KIF13A: variants seen among roughly 807,000 people sequenced by gnomAD.
The protein encoded by KIF13A is kinesin family member 13A.
KIF13A carries 79 observed loss-of-function variants against 212.2 expected under a neutral mutation model. That is an observed-to-expected ratio of 0.37 (90% CI 0.31 to 0.45). The LOEUF is 0.45. KIF13A is among the 20% of genes least tolerant of loss of function. KIF13A has a pLI of 1.00. For missense variants in KIF13A, 1,901 were observed against 2,209.0 expected (o/e 0.86, Z 2.79); for synonymous variants, 789 against 808.6 (o/e 0.98, Z 0.41).
Position 17,825,348 on chromosome 6 carries a change from A to G in KIF13A, c.1786+420T>C, listed in dbSNP as rs1472720293. ...TAAAATTTCCAATTGAGTTTATACT[A>G]AAATGCTGTGACTTTTATCTTTCCA... On this transcript the variant is annotated intron_variant, in intron 16 of 38. Transcript: ENST00000259711. The surrounding 1 kb of genome is among the most constrained non-coding windows in gnomAD (Gnocchi z 4.5). 1.3e-5 allele frequency among the ~76,000 whole-genome samples: 2 copies of G among 152,238 alleles called. No individual in the cohort carries two copies. Among genetic ancestry groups the G allele is most frequent in the Non-Finnish European group, 2.9e-5 (2 of 68,034 alleles).
chr6:17,849,367 G>GCCA lies in KIF13A; in HGVS notation c.830+7_830+9dup. 1 of 1,595,888 alleles carries GCCA rather than the reference G, an allele frequency of 6.3e-7. No individual in the cohort carries two copies. Among genetic ancestry groups the GCCA allele is most frequent in the Non-Finnish European group, 8.6e-7 (1 of 1,165,572 alleles). On this transcript the variant is annotated intron_variant, in intron 9 of 38. Transcript: ENST00000259711. The surrounding 1 kb of genome is among the most constrained non-coding windows in gnomAD (Gnocchi z 5.7). Reference sequence around the variant, plus strand: ...AATCACCCAGGCTGTTCTGGGACCAGCCACCTTACTTGTTAATGTTGCTGC... The same window carrying GCCA: ...AATCACCCAGGCTGTTCTGGGACCAGCCACCACCTTACTTGTTAATGTTGCTGC...
downstream of KIF13A, chr6:17,759,354 G>C (rs1238125010): frequency 6.6e-6 from 1 of 152,112 alleles, no homozygotes; most frequent in Non-Finnish European, 1.5e-5. Flanking sequence ...ATAAATTACA[G>C]TTTTTCTTTT....
At chr6:17,796,537 G>A (rs1762050539) in intron 23 of KIF13A, 132 bp downstream of exon 23, 3 of 558,264 alleles carry the variant, frequency 5.4e-6, no homozygotes, top group Non-Finnish European at 5.4e-6. Context: ...ACCGCACCTG[G>A]CCATTCTTTT....
At chr6:17,790,901 C>T (rs929868282) in intron 25 of KIF13A, among the ~76,000 whole-genome samples, 5 of 152,170 alleles carry the variant, frequency 3.3e-5, no homozygotes, top group African/African-American at 9.6e-5. Flanking sequence ...AAACACAGGG[C>T]AACATTGTAA....
chr6:17,905,969 C>G (rs2150495197), intron 2 of KIF13A, among the ~76,000 whole-genome samples: 1 of 152,266 alleles, frequency 6.6e-6, no homozygotes. Flanking sequence ...CTAACATTAC[C>G]TACATTGAAA....
Position 17,855,965 on chromosome 6 carries a change from C to A in KIF13A, c.313+65G>T. 1 of 1,132,166 alleles carries A rather than the reference C, an allele frequency of 8.8e-7. No individual in the cohort carries two copies. The highest frequency in any genetic ancestry group is 1.3e-6 in the Non-Finnish European group (1 of 756,634). 70.1% of individuals were successfully genotyped at this position (1,132,166 alleles called of 1,614,324 possible). A position where few individuals can be genotyped will look rare whatever the true frequency, so the allele number is the denominator to read the frequency against. On this transcript the variant is annotated intron_variant, in intron 5 of 38. Transcript: ENST00000259711. This position sits in a 1 kb window ranked among gnomAD's most constrained non-coding sequence, Gnocchi z 4.1. ...GGCTCAGGAGATCCTCCCACCCCAG[C>A]CTCACCAAGTCCTGGGATTATAGGC...
At chr6:17,965,976 T>C (rs1779269177) in intron 2 of KIF13A, among the ~76,000 whole-genome samples, 1 of 152,190 alleles carries the variant, frequency 6.6e-6, no homozygotes, top group Non-Finnish European at 1.5e-5. Context: ...AGGAGTTCAC[T>C]TGAGGTCAGG....
At chr6:17,760,661 A>G (rs920795527), downstream of KIF13A, 3 of 597,172 alleles carry the variant, frequency 5.0e-6, no homozygotes, top group Non-Finnish European at 9.1e-6. Context: ...GATTCACCCA[A>G]GTGACAAAGT....
rs1288862360 is a variant in KIF13A at position 17,799,841 on chromosome 6, A to G, written c.2616+111T>C. 8 of 1,246,872 alleles carry G rather than the reference A, an allele frequency of 6.4e-6. No individual in the cohort carries two copies. Among genetic ancestry groups the G allele is most frequent in the Admixed American group, 6.2e-5 (3 of 48,218 alleles). 77.2% of individuals were successfully genotyped at this position (1,246,872 alleles called of 1,614,324 possible). A position where few individuals can be genotyped will look rare whatever the true frequency, so the allele number is the denominator to read the frequency against. ...ACTGTCCACCACTGTATCTGCTGTT[A>G]CAAAATCCAACTTTTACTACCCTGG... On this transcript the variant is annotated intron_variant, in intron 21 of 38. Transcript: ENST00000259711. The surrounding 1 kb of genome is among the most constrained non-coding windows in gnomAD (Gnocchi z 4.4).
intron 4 of KIF13A, among the ~76,000 whole-genome samples, chr6:17,857,765 T>C (rs1768279675): frequency 6.6e-6 from 1 of 152,152 alleles, no homozygotes; most frequent in Non-Finnish European, 1.5e-5. Flanking sequence ...TAAAAGGGAA[T>C]ATGCCTACAC....
intron 25 of KIF13A, among the ~76,000 whole-genome samples, chr6:17,791,679 T>C (rs111806455): frequency 0.043 from 6,476 of 152,018 alleles, 345 homozygotes; most frequent in African/African-American, 0.12. Flanking sequence ...GGCAGGCGGA[T>C]CATTTGAGGT....
intron 2 of KIF13A, among the ~76,000 whole-genome samples, chr6:17,905,550 A>G (rs1012666880): frequency 6.6e-6 from 1 of 152,234 alleles, no homozygotes; most frequent in Non-Finnish European, 1.5e-5. Flanking sequence ...CAAACAAGAA[A>G]CTGATTTTTT....
chr6:17,779,332 C>T (rs1488576159), intron 32 of KIF13A, among the ~76,000 whole-genome samples: 3 of 141,614 alleles, frequency 2.1e-5, no homozygotes, highest in Admixed American at 7.5e-5. Context: ...AGTGCAATGG[C>T]GCGATCTCGG....
rs937490351 is a variant in KIF13A at position 17,829,946 on chromosome 6, T to C, written c.1401+1155A>G. On this transcript the variant is annotated intron_variant, in intron 13 of 38. Transcript: ENST00000259711. This position sits in a 1 kb window ranked among gnomAD's most constrained non-coding sequence, Gnocchi z 5.4. ...CTCAAGCAGGCAATACCTTCGCATTTAGAGATTCAGGTGTGTGGACAGCAT... is the reference window on the plus strand; with the variant it reads ...CTCAAGCAGGCAATACCTTCGCATTCAGAGATTCAGGTGTGTGGACAGCAT... Among the ~76,000 whole-genome samples, 17 of 152,090 alleles carry C rather than the reference T, an allele frequency of 1.1e-4. No individual in the cohort carries two copies. Among genetic ancestry groups the C allele is most frequent in the Admixed American group, 1.1e-3 (17 of 15,262 alleles).
intron 2 of KIF13A, among the ~76,000 whole-genome samples, chr6:17,956,889 AT>A (rs56165328): frequency 0.38 from 56,869 of 149,222 alleles, 10,733 homozygotes; most frequent in Middle Eastern, 0.46. Flanking sequence ...GTTCAATCAC[AT>A]TTTTTTTTTT....
intron 38 of KIF13A, among the ~76,000 whole-genome samples, chr6:17,766,896 T>G (rs995407948): frequency 1.3e-5 from 2 of 152,238 alleles, no homozygotes; most frequent in South Asian, 2.1e-4. Flanking sequence ...TCTTAAATGC[T>G]TCTCAGCTTT....
At chr6:17,979,114 G>A (rs1029808781) in intron 2 of KIF13A, among the ~76,000 whole-genome samples, 2 of 152,110 alleles carry the variant, frequency 1.3e-5, no homozygotes, top group African/African-American at 2.4e-5. Flanking sequence ...CCAATGCAGC[G>A]AAACCCCATG....
At chr6:17,958,876 CTTTTTTT>C (rs398000716) in intron 2 of KIF13A, among the ~76,000 whole-genome samples, 7 of 83,082 alleles carry the variant, frequency 8.4e-5, no homozygotes, top group Admixed American at 1.5e-4. Flanking sequence ...TTTTCTTTTT[CTTTTTTT>C]TTTTTTTTTT....
Position 17,804,592 on chromosome 6 carries a change from G to C in KIF13A, c.2305-82C>G. On this transcript the variant is annotated intron_variant, in intron 19 of 38. Coordinates refer to ENST00000259711, the MANE Select transcript of KIF13A (RefSeq NM_022113.6). ...ATAATATTATTTAAAACTAGCATTT[G>C]AAAAAAAATTTAAAGAATCTATCCA... is the stretch of plus-strand genomic sequence containing the variant. The C allele has an allele frequency of 2.4e-6, 3 of 1,264,380 alleles. No individual in the cohort carries two copies. The Admixed American group carries it at 9.4e-5, about 39-fold the overall frequency. 78.3% of individuals were successfully genotyped at this position (1,264,380 alleles called of 1,614,324 possible).
Sources: gnomAD v4.1 joint callset for allele counts (sites outside exome capture counted in the v4.1 genomes callset) on GRCh38, gnomAD v4.1.1 for gene constraint, Gnocchi (gnomAD v3.1) non-coding constraint, MANE v1.5 for transcripts, NCBI Gene and HGNC (gene_info 2026-07-23, HGNC 2026-07-21) for gene names.